AK4: variants seen among roughly 807,000 people sequenced by gnomAD.
AK4 encodes the protein adenylate kinase 4.
A neutral mutation model predicts 24.6 loss-of-function variants in AK4; 13 were observed. The ratio of observed to expected loss-of-function variants is 0.53; its 90% CI spans 0.34 to 0.84. The LOEUF (loss-of-function observed/expected upper bound fraction) is 0.84. Among genes scored for constraint, AK4 ranks in the 40% least tolerant of loss-of-function variants. The pLI, the probability that AK4 is intolerant of heterozygous loss-of-function variation, is 0.01. For synonymous variants in AK4, 88 were observed against 107.0 expected, an observed-to-expected ratio of 0.82 and a Z score of 1.10; for missense variants, 192 against 288.2, an observed-to-expected ratio of 0.67 and a Z score of 2.42.
intron 1 of AK4, among the ~76,000 whole-genome samples, chr1:65,149,438 C>A (rs1397122422): frequency 6.6e-6 from 1 of 152,152 alleles, no homozygotes; most frequent in Admixed American, 6.6e-5. Flanking sequence ...CGAGAGGTAG[C>A]GGTTGTGCTG....
intron 1 of AK4, chr1:65,154,624 G>A (rs976649175): frequency 4.1e-6 from 2 of 489,912 alleles, no homozygotes; most frequent in East Asian, 5.5e-5. Context: ...GTACGCGAAC[G>A]ATATCAGTTT....
chr1:65,201,509 C>T (rs1222557268), intron 2 of AK4, among the ~76,000 whole-genome samples: 1 of 152,138 alleles, frequency 6.6e-6, no homozygotes, highest in Non-Finnish European at 1.5e-5. Context: ...TGGACCCTAG[C>T]AAAGCTTGGT....
chr1:65,194,450 G>A (rs1651406126), intron 2 of AK4, among the ~76,000 whole-genome samples: 1 of 152,078 alleles, frequency 6.6e-6, no homozygotes, highest in East Asian at 1.9e-4. Flanking sequence ...TAATATGCCA[G>A]TCATGACCAC....
intron 1 of AK4, among the ~76,000 whole-genome samples, chr1:65,152,065 CTATTG>C (rs1473752116): frequency 5.9e-5 from 9 of 152,062 alleles, no homozygotes; most frequent in African/African-American, 1.7e-4. Context: ...GACTGGCACT[CTATTG>C]AGTGAGTCCT....
intron 2 of AK4, among the ~76,000 whole-genome samples, chr1:65,216,141 C>CT (rs759417513): frequency 5.7e-4 from 83 of 144,668 alleles, no homozygotes; most frequent in East Asian, 3.6e-3. Context: ...GATTGCAGTG[C>CT]TTTTTTTTTT....
intron 2 of AK4, among the ~76,000 whole-genome samples, chr1:65,196,406 A>G (rs1296288071): frequency 6.6e-6 from 1 of 152,158 alleles, no homozygotes; most frequent in African/African-American, 2.4e-5. Context: ...CTTGCTAAAA[A>G]AAAAGTTCAG....
rs1339933858 is a variant in AK4, at chr1:65,196,033, C to T, written c.265+5204C>T. 2.0e-5 allele frequency among the ~76,000 whole-genome samples: 3 copies of T among 152,146 alleles called. No individual in the cohort carries two copies. In the East Asian group the frequency reaches 5.8e-4, roughly 29 times the overall value. On this transcript the variant is annotated intron_variant, in intron 2 of 4. Transcript: ENST00000327299. ...TGGTTAGTATTTTTCTCCTTGAAAA[C>T]CCATCTGGTCACTTTTTCAGTTGCG...
chr1:65,148,048 A>C, upstream of AK4: 3 of 186,834 alleles, frequency 1.6e-5, no homozygotes, highest in Non-Finnish European at 2.2e-5. Context: ...AGCTGGAGTT[A>C]AGGATGAAGG....
At position 65,165,720 on chromosome 1, in the gene AK4, G is replaced by A. The variant is rs142826175; in HGVS notation, c.145+17168G>A. 3.8e-3 allele frequency among the ~76,000 whole-genome samples: 580 copies of A among 152,240 alleles called. 5 individuals carry two copies. Among genetic ancestry groups the A allele is most frequent in the African/African-American group, 0.013 (558 of 41,538 alleles). On this transcript the variant is annotated intron_variant, in intron 1 of 4. Coordinates refer to ENST00000327299, the MANE Select transcript of AK4 (RefSeq NM_013410.4). Reference sequence around the variant, plus strand: ...TGTGGATTGTAGTGGGGGAAAACTGGAGCACAGCCAAGATGGTGCCACAAC... The same window carrying A: ...TGTGGATTGTAGTGGGGGAAAACTGAAGCACAGCCAAGATGGTGCCACAAC...
chr1:65,198,593 G>A (rs1406914299), intron 2 of AK4, among the ~76,000 whole-genome samples: 2 of 152,184 alleles, frequency 1.3e-5, no homozygotes, highest in Non-Finnish European at 2.9e-5. Flanking sequence ...TACAGGTGAG[G>A]TGTTCCAAGA....
At chr1:65,194,464 A>G (rs1651406650) in intron 2 of AK4, among the ~76,000 whole-genome samples, 1 of 151,904 alleles carries the variant, frequency 6.6e-6, no homozygotes. Flanking sequence ...TGACCACTTG[A>G]GTAATTTCTT....
intron 1 of AK4, among the ~76,000 whole-genome samples, chr1:65,164,039 TG>T (rs768266353): frequency 1.3e-5 from 2 of 152,126 alleles, no homozygotes; most frequent in African/African-American, 4.8e-5. Context: ...AGGAGCAATT[TG>T]GGGAGGTTTG....
intron 2 of AK4, among the ~76,000 whole-genome samples, chr1:65,210,729 T>A (rs1024479725): frequency 6.6e-6 from 1 of 152,220 alleles, no homozygotes; most frequent in Non-Finnish European, 1.5e-5. Context: ...TGTTTGTCTT[T>A]TTACCTCCAG....
At chr1:65,162,074 C>T (rs966919027) in intron 1 of AK4, among the ~76,000 whole-genome samples, 1 of 151,956 alleles carries the variant, frequency 6.6e-6, no homozygotes, top group Non-Finnish European at 1.5e-5. Context: ...AGAGTGAGAC[C>T]CCGTCTCTAT....
intron 2 of AK4, among the ~76,000 whole-genome samples, chr1:65,196,613 C>T (rs550336421): frequency 6.6e-6 from 1 of 152,166 alleles, no homozygotes; most frequent in South Asian, 2.1e-4. Context: ...TACAGGTGCA[C>T]ACCACCATGC....
At chr1:65,208,522 T>C (rs1557463623) in intron 2 of AK4, among the ~76,000 whole-genome samples, 1 of 152,204 alleles carries the variant, frequency 6.6e-6, no homozygotes, top group Non-Finnish European at 1.5e-5. Context: ...ATGGCTTGCA[T>C]TTGTAACTTG....
chr1:65,175,912 G>A (rs1650698609), intron 1 of AK4, among the ~76,000 whole-genome samples: 1 of 152,128 alleles, frequency 6.6e-6, no homozygotes, highest in African/African-American at 2.4e-5. Context: ...ATAAAGCCGC[G>A]TGTGGTATTA....
At chr1:65,166,441 T>C (rs951726565) in intron 1 of AK4, among the ~76,000 whole-genome samples, 8 of 152,122 alleles carry the variant, frequency 5.3e-5, no homozygotes, top group African/African-American at 1.7e-4. Context: ...ACTTCTCTTG[T>C]GTTCAGTCTT....
rs747627514 is a variant in AK4, at chr1:65,224,850, G to C, written c.537G>C (p.Lys179Asn). 3 of 1,613,550 alleles carry C rather than the reference G, an allele frequency of 1.9e-6. No individual in the cohort carries two copies. The highest frequency in any genetic ancestry group is 2.2e-5 in the South Asian group (2 of 91,074). ...ARLRQYKDVA[K>N]PVIELYKSRG... ...TAAGACAGTACAAAGACGTGGCAAA[G>C]CCAGTCATTGAATTATACAAGTGAG... is the stretch of plus-strand genomic sequence containing the variant. The change falls in exon 4 of 5, where the codon AAG (lysine) becomes AAC (asparagine). Residue 179 changes from lysine to asparagine, a missense_variant. Transcript: ENST00000327299.
Sources: allele counts gnomAD v4.1 joint callset (sites outside exome capture counted in the v4.1 genomes callset), GRCh38; gene constraint gnomAD v4.1.1; transcripts MANE v1.5; gene names NCBI Gene and HGNC (gene_info 2026-07-23, HGNC 2026-07-21).